COL4A1: variants seen among roughly 807,000 people sequenced by gnomAD.
The protein encoded by COL4A1 is collagen alpha-1(IV) chain.
COL4A1 carries 40 observed loss-of-function variants against 216.6 expected under a neutral mutation model. The ratio of observed to expected loss-of-function variants is 0.18; its 90% CI spans 0.14 to 0.24. COL4A1 has a LOEUF of 0.24. Ranked by LOEUF, COL4A1 falls within the 10% of genes least tolerant of loss-of-function variation. The pLI is 1.00. For synonymous variants in COL4A1, 839 were observed against 810.7 expected (o/e 1.03, Z -0.59); for missense variants, 1,628 against 2,196.8 (o/e 0.74, Z 5.18).
intron 1 of COL4A1, among the ~76,000 whole-genome samples, chr13:110,244,149 T>A (rs1398430422): frequency 6.6e-6 from 1 of 152,238 alleles, no homozygotes; most frequent in East Asian, 1.9e-4. Context: ...AATAGTATTG[T>A]GATCATGCAA....
chr13:110,191,630 T>C (rs769839672), intron 24 of COL4A1: 4 of 689,606 alleles, frequency 5.8e-6, no homozygotes, highest in South Asian at 4.7e-5. Context: ...GATATTTCAT[T>C]TATGGATTTG....
rs56173822 is a variant in COL4A1, at chr13:110,253,507, C to A, written c.85-10773G>T. Among the ~76,000 whole-genome samples the A allele has an allele frequency of 9.2e-4, 116 of 125,690 alleles. 8 individuals are homozygous for A. The highest frequency in any genetic ancestry group is 1.5e-3 in the Admixed American group (17 of 11,654). The allele number at this position is 125,690 out of a possible 152,430, so 82.5% of individuals were successfully genotyped here. ...TGTATTATATATACATATAATTATA[C>A]GTATTACATATACATATAATTATAA... On this transcript the variant is annotated intron_variant, in intron 1 of 51. Coordinates refer to ENST00000375820, the MANE Select transcript of COL4A1 (RefSeq NM_001845.6).
intron 2 of COL4A1, among the ~76,000 whole-genome samples, chr13:110,241,701 A>T (rs76808297): frequency 6.6e-6 from 1 of 152,206 alleles, no homozygotes; most frequent in East Asian, 1.9e-4. Context: ...TATCAGGCAT[A>T]TTTTTTAAAA....
intron 1 of COL4A1, among the ~76,000 whole-genome samples, chr13:110,247,372 G>A (rs1026740772): frequency 6.6e-6 from 1 of 152,028 alleles, no homozygotes; most frequent in African/African-American, 2.4e-5. Flanking sequence ...AATGCAAAAG[G>A]TACTACAAAG....
At chr13:110,237,936 A>G (rs1476775509) in intron 2 of COL4A1, among the ~76,000 whole-genome samples, 1 of 152,234 alleles carries the variant, frequency 6.6e-6, no homozygotes, top group Non-Finnish European at 1.5e-5. Context: ...TTCCTGGGCC[A>G]GCAATGAAAT....
intron 21 of COL4A1, among the ~76,000 whole-genome samples, chr13:110,197,071 G>A (rs1036949854): frequency 8.6e-5 from 13 of 152,000 alleles, no homozygotes; most frequent in African/African-American, 3.1e-4. Flanking sequence ...ATTTTTACAT[G>A]ACGTGTGTTT....
At chr13:110,278,785 C>T (rs1298992123) in intron 1 of COL4A1, among the ~76,000 whole-genome samples, 1 of 152,172 alleles carries the variant, frequency 6.6e-6, no homozygotes, top group Non-Finnish European at 1.5e-5. Flanking sequence ...CGCCTCTTGA[C>T]AGGATCACCT....
chr13:110,251,397 C>T (rs567707386), intron 1 of COL4A1, among the ~76,000 whole-genome samples: 1 of 152,388 alleles, frequency 6.6e-6, no homozygotes, highest in East Asian at 1.9e-4. Flanking sequence ...GTGCCAGGCA[C>T]TCCTTCACAG....
intron 24 of COL4A1, chr13:110,190,636 T>C (rs564647242): frequency 1.3e-5 from 2 of 152,396 alleles, no homozygotes; most frequent in South Asian, 2.1e-4. Context: ...ATATCTCTTT[T>C]AGCCTCTAGC....
intron 33 of COL4A1, 114 bp downstream of exon 33, chr13:110,177,728 A>C: frequency 1.8e-6 from 2 of 1,100,078 alleles, no homozygotes; most frequent in Non-Finnish European, 2.7e-6. Context: ...GATGTTCCTA[A>C]CTTCTTTTGT....
chr13:110,281,505 C>T (rs1883632110), intron 1 of COL4A1, among the ~76,000 whole-genome samples: 1 of 151,930 alleles, frequency 6.6e-6, no homozygotes, highest in Admixed American at 6.6e-5. Flanking sequence ...AAGTGGTTAC[C>T]TGCTGCAATA....
At position 110,207,120 on chromosome 13, in the gene COL4A1, G is replaced by A. The variant is rs560891218; in HGVS notation, c.781-229C>T. Reference sequence around the variant, plus strand: ...GGCCCTGCCCCCCTCCTGCCCCCCAGCCCAGCTCCCTCCTCCTGACCAAGC... The same window carrying A: ...GGCCCTGCCCCCCTCCTGCCCCCCAACCCAGCTCCCTCCTCCTGACCAAGC... On this transcript the variant is annotated intron_variant, in intron 13 of 51. Transcript: ENST00000375820. This position sits in a 1 kb window ranked among gnomAD's most constrained non-coding sequence, Gnocchi z 4.4. 3.6e-4 allele frequency among the ~76,000 whole-genome samples: 55 copies of A among 151,382 alleles called. No homozygotes were observed. The highest frequency in any genetic ancestry group is 1.2e-3 in the African/African-American group (51 of 41,204).
Position 110,161,176 on chromosome 13 carries a change from CAG to C in COL4A1, c.4640+14_4640+15del, listed in dbSNP as rs747382118. The C allele has an allele frequency of 6.2e-7, 1 of 1,613,282 alleles. No individual in the cohort carries two copies. Among genetic ancestry groups the C allele is most frequent in the South Asian group, 1.1e-5 (1 of 91,056 alleles). On this transcript the variant is annotated intron_variant, in intron 49 of 51. Transcript: ENST00000375820. ...CTCTTCAATTTTGCATTTGTTCCTACAGATGCTCGACTCACCTACTAATAAAT... is the reference window on the plus strand; with the variant it reads ...CTCTTCAATTTTGCATTTGTTCCTACATGCTCGACTCACCTACTAATAAAT...
intron 1 of COL4A1, among the ~76,000 whole-genome samples, chr13:110,256,746 G>T (rs545445893): frequency 1.3e-5 from 2 of 152,150 alleles, no homozygotes; most frequent in South Asian, 4.2e-4. Flanking sequence ...ACCGGCGGCG[G>T]GGGGGTCTAT....
intron 22 of COL4A1, among the ~76,000 whole-genome samples, chr13:110,194,007 G>T (rs963399707): frequency 1.3e-5 from 2 of 152,178 alleles, no homozygotes; most frequent in African/African-American, 4.8e-5. Flanking sequence ...CTAGGATCTG[G>T]GGGATGGATA....
At chr13:110,242,928 A>C (rs1316497391) in intron 1 of COL4A1, among the ~76,000 whole-genome samples, 194 bp from the exon 2 acceptor site, 3 of 151,490 alleles carry the variant, frequency 2.0e-5, no homozygotes, top group Non-Finnish European at 4.4e-5. Flanking sequence ...CCCTGCCCAA[A>C]TAGATAAAAA....
chr13:110,235,522 G>A (rs1881275499), intron 2 of COL4A1, among the ~76,000 whole-genome samples: 1 of 151,922 alleles, frequency 6.6e-6, no homozygotes, highest in Admixed American at 6.6e-5. Flanking sequence ...ATGGTGGCGG[G>A]TGCCTGTAGT....
Position 110,174,743 on chromosome 13 carries a change from G to C in COL4A1, c.3205C>G (p.Gln1069Glu), listed in dbSNP as rs774311833. The change falls in exon 38 of 52, where the codon CAA (glutamine) becomes GAA (glutamate). Residue 1069 changes from glutamine (Q) to glutamate (E), a missense_variant. Gln to Glu is a conservative substitution (Grantham distance 29, BLOSUM62 2). This residue lies in a region of COL4A1 where 345 missense variants were observed against 476.9 expected (regional missense o/e 0.72). Transcript: ENST00000375820. ...IPGLRGEKGDQGIAGFPGSPG... is the reference protein window; with the variant it reads ...IPGLRGEKGDEGIAGFPGSPG... ...CTTCCTGGGAAACCCGCTATCCCTT[G>C]ATCTCCCTGCAAGTAAAAGTCAGGC... The C allele has an allele frequency of 2.5e-6, 4 of 1,613,458 alleles. No individual in the cohort carries two copies. The highest frequency in any genetic ancestry group is 1.6e-4 in the Middle Eastern group (1 of 6,062).
intron 1 of COL4A1, among the ~76,000 whole-genome samples, chr13:110,301,684 T>C (rs1327270351): frequency 6.6e-6 from 1 of 152,062 alleles, no homozygotes; most frequent in East Asian, 1.9e-4. Flanking sequence ...GGAGCTTCAG[T>C]GGAATGCGTG....
Sources: allele counts gnomAD v4.1 joint callset (sites outside exome capture counted in the v4.1 genomes callset), GRCh38; gene constraint gnomAD v4.1.1; regional missense constraint gnomAD v4.1.1; non-coding constraint Gnocchi (gnomAD v3.1); transcripts MANE v1.5; gene names NCBI Gene and HGNC (gene_info 2026-07-23, HGNC 2026-07-21).